The following SUCLG2 variants were observed in gnomAD, a reference collection of about 807,000 sequenced individuals.
SUCLG2 encodes the protein succinate--CoA ligase [GDP-forming] subunit beta, mitochondrial.
Under a neutral mutation model 47.9 loss-of-function variants are expected in SUCLG2, and 42 were observed. The observed-to-expected ratio is 0.88, with a 90% CI of 0.69 to 1.14. The LOEUF is 1.14. Ranked by LOEUF, SUCLG2 falls within the 50% of genes most tolerant of loss-of-function variation. SUCLG2 has a pLI of 0.00. For synonymous variants in SUCLG2, 195 were observed against 197.3 expected (o/e 0.99, Z 0.10); for missense variants, 571 against 525.9 (o/e 1.09, Z -0.84).
chr3:67,478,903 A>G (rs57077433), intron 9 of SUCLG2, among the ~76,000 whole-genome samples: 83,059 of 152,084 alleles, frequency 0.55, 23,964 homozygotes, highest in Middle Eastern at 0.65. Context: ...TAATGATGAT[A>G]GTAAATATGT....
intron 2 of SUCLG2, among the ~76,000 whole-genome samples, chr3:67,597,724 G>C (rs2107290663): frequency 6.6e-6 from 1 of 152,178 alleles, no homozygotes; most frequent in East Asian, 2.0e-4. Flanking sequence ...TGGATCACAA[G>C]GTCAGGAGTT....
intron 9 of SUCLG2, among the ~76,000 whole-genome samples, chr3:67,401,885 T>C (rs377718063): frequency 1.2e-4 from 18 of 152,354 alleles, no homozygotes; most frequent in African/African-American, 3.8e-4. Flanking sequence ...TTGTATAGCA[T>C]TTAAATGTTT....
At chr3:67,431,347 A>C (rs1703474027) in intron 9 of SUCLG2, among the ~76,000 whole-genome samples, 1 of 152,202 alleles carries the variant, frequency 6.6e-6, no homozygotes. Context: ...AACTGATGAC[A>C]AAAACCACAT....
intron 2 of SUCLG2, among the ~76,000 whole-genome samples, chr3:67,543,085 C>T (rs1706761252): frequency 6.6e-6 from 1 of 152,182 alleles, no homozygotes; most frequent in African/African-American, 2.4e-5. Context: ...CATTCCTCAG[C>T]AAATGCAAAA....
At chr3:67,548,827 A>T (rs1706934051) in intron 2 of SUCLG2, among the ~76,000 whole-genome samples, 1 of 152,208 alleles carries the variant, frequency 6.6e-6, no homozygotes. Context: ...ACAAAGCGCA[A>T]TGTCCAATGC....
intron 2 of SUCLG2, among the ~76,000 whole-genome samples, chr3:67,543,459 G>A (rs1706772864): frequency 6.6e-6 from 1 of 152,162 alleles, no homozygotes; most frequent in Non-Finnish European, 1.5e-5. Flanking sequence ...TTGAGCCCAG[G>A]AGTTCGAGAC....
intron 9 of SUCLG2, among the ~76,000 whole-genome samples, chr3:67,419,354 T>A (rs1474316318): frequency 6.6e-6 from 1 of 152,218 alleles, no homozygotes; most frequent in African/African-American, 2.4e-5. Flanking sequence ...GATACAGTTC[T>A]GCCTATTCAT....
intron 2 of SUCLG2, among the ~76,000 whole-genome samples, chr3:67,595,911 A>G (rs145415234): frequency 3.2e-4 from 48 of 152,354 alleles, no homozygotes; most frequent in Non-Finnish European, 6.0e-4. Flanking sequence ...TTTGTCTTGA[A>G]AAGGAAAAGA....
At chr3:67,605,212 C>A (rs769862717) in intron 2 of SUCLG2, among the ~76,000 whole-genome samples, 1 of 152,278 alleles carries the variant, frequency 6.6e-6, no homozygotes, top group South Asian at 2.1e-4. Context: ...TGTGCATAAT[C>A]CAGTTTTAAT....
intron 10 of SUCLG2, among the ~76,000 whole-genome samples, chr3:67,390,586 G>A (rs140340462): frequency 2.9e-3 from 448 of 152,052 alleles, no homozygotes; most frequent in African/African-American, 0.01. Context: ...ACATATTTGG[G>A]GGAAATTCAG....
chr3:67,651,664 T>G (rs1701287653), intron 1 of SUCLG2, among the ~76,000 whole-genome samples: 1 of 152,214 alleles, frequency 6.6e-6, no homozygotes, highest in Admixed American at 6.5e-5. Flanking sequence ...TAAATGATCG[T>G]TTTCTTCATC....
At chr3:67,417,488 A>G (rs1396744922) in intron 9 of SUCLG2, among the ~76,000 whole-genome samples, 1 of 152,256 alleles carries the variant, frequency 6.6e-6, no homozygotes, top group Non-Finnish European at 1.5e-5. Context: ...TTCATATTGT[A>G]AAATACATTT....
At chr3:67,471,232 G>A (rs966587856) in intron 9 of SUCLG2, among the ~76,000 whole-genome samples, 1 of 152,214 alleles carries the variant, frequency 6.6e-6, no homozygotes, top group Non-Finnish European at 1.5e-5. Flanking sequence ...ACCCTGGGAA[G>A]TCTGAAGGCT....
At chr3:67,515,183 T>C (rs1026126583) in intron 6 of SUCLG2, among the ~76,000 whole-genome samples, 11 of 152,214 alleles carry the variant, frequency 7.2e-5, no homozygotes, top group African/African-American at 2.4e-4. Context: ...TATTGTTCTA[T>C]TTCATACTGT....
At chr3:67,449,471 A>T (rs191391374) in intron 9 of SUCLG2, among the ~76,000 whole-genome samples, 53 of 151,984 alleles carry the variant, frequency 3.5e-4, no homozygotes, top group African/African-American at 1.2e-3. Context: ...TTCCAAAACA[A>T]TTAGTCCAGT....
intron 10 of SUCLG2, among the ~76,000 whole-genome samples, chr3:67,364,092 C>T (rs1010542282): frequency 1.3e-5 from 2 of 152,166 alleles, no homozygotes; most frequent in African/African-American, 4.8e-5. Context: ...CTCTTCTATA[C>T]CCACTCTACT....
chr3:67,486,873 G>A (rs1705068298), intron 9 of SUCLG2, among the ~76,000 whole-genome samples: 1 of 152,194 alleles, frequency 6.6e-6, no homozygotes. Flanking sequence ...TGTGCATTGG[G>A]TGACTAAAAT....
At chr3:67,537,676 C>T (rs1043886679) in intron 2 of SUCLG2, among the ~76,000 whole-genome samples, 2 of 152,330 alleles carry the variant, frequency 1.3e-5, no homozygotes, top group South Asian at 4.1e-4. Flanking sequence ...AACTAATTTA[C>T]ACTCCCATCA....
At chr3:67,418,210 A>G (rs947417155) in intron 9 of SUCLG2, among the ~76,000 whole-genome samples, 1 of 152,242 alleles carries the variant, frequency 6.6e-6, no homozygotes, top group African/African-American at 2.4e-5. Flanking sequence ...TGCCAGGATT[A>G]AATGAGATAA....
Sources: allele counts gnomAD v4.1 joint callset (sites outside exome capture counted in the v4.1 genomes callset), GRCh38; gene constraint gnomAD v4.1.1; transcripts MANE v1.5; gene names NCBI Gene and HGNC (gene_info 2026-07-23, HGNC 2026-07-21).